PDE9A: variants seen among roughly 807,000 people sequenced by gnomAD.
PDE9A encodes high affinity cGMP-specific 3',5'-cyclic phosphodiesterase 9A.
A neutral mutation model predicts 87.4 loss-of-function variants in PDE9A; 60 were observed. That is an observed-to-expected ratio of 0.69 (90% CI 0.56 to 0.85). PDE9A has a LOEUF of 0.85. PDE9A is among the 40% of genes least tolerant of loss of function. The pLI, the probability that PDE9A is intolerant of heterozygous loss-of-function variation, is 0.00. For missense variants in PDE9A, 665 were observed against 779.0 expected (o/e 0.85, Z 1.74); for synonymous variants, 272 against 279.4 (o/e 0.97, Z 0.27).
chr21:42,732,636 C>T (rs1404900004), intron 6 of PDE9A, among the ~76,000 whole-genome samples: 7 of 152,226 alleles, frequency 4.6e-5, no homozygotes, highest in South Asian at 2.1e-4. Flanking sequence ...TTGAATTGGC[C>T]GGGTGCGGTG....
At chr21:42,665,109 A>T (rs1569105239) in intron 1 of PDE9A, among the ~76,000 whole-genome samples, 1 of 152,238 alleles carries the variant, frequency 6.6e-6, no homozygotes, top group Non-Finnish European at 1.5e-5. Context: ...AGACGTAGAG[A>T]CAGAATCAGG....
At chr21:42,670,306 C>G (rs2058395592) in intron 1 of PDE9A, among the ~76,000 whole-genome samples, 1 of 136,342 alleles carries the variant, frequency 7.3e-6, no homozygotes, top group Non-Finnish European at 1.5e-5. Flanking sequence ...CACACATACA[C>G]TTAGACACCA....
chr21:42,746,766 G>T (rs778165339), intron 8 of PDE9A, among the ~76,000 whole-genome samples: 3 of 152,260 alleles, frequency 2.0e-5, no homozygotes, highest in Admixed American at 1.3e-4. Flanking sequence ...GCCCCCAGGT[G>T]CCTGTCAGGC....
rs1601884390 is a variant in PDE9A, at chr21:42,662,953, TCA to T, written c.69+9073_69+9074del. Among the ~76,000 whole-genome samples, 5 of 115,182 alleles carry T rather than the reference TCA, an allele frequency of 4.3e-5. No individual in the cohort carries two copies. The East Asian group carries it at 8.4e-4, about 19-fold the overall frequency. 75.6% of individuals were successfully genotyped at this position (115,182 alleles called of 152,430 possible). A position where few individuals can be genotyped will look rare whatever the true frequency, so the allele number is the denominator to read the frequency against. ...CACATGCACACCACGCACACGCACATCACATGCACACGCCACGCGCCTCACAC... is the reference window on the plus strand; with the variant it reads ...CACATGCACACCACGCACACGCACATCATGCACACGCCACGCGCCTCACAC... On this transcript the variant is annotated intron_variant, in intron 1 of 19. Transcript: ENST00000291539.
At position 42,740,583 on chromosome 21, in the gene PDE9A, G is replaced by A. The variant is rs13051867; in HGVS notation, c.569-3193G>A. Among the ~76,000 whole-genome samples the A allele has an allele frequency of 8.0e-3, 872 of 108,874 alleles. 13 individuals are homozygous for A. Among genetic ancestry groups the A allele is most frequent in the African/African-American group, 0.03 (772 of 25,476 alleles). The allele number at this position is 108,874 out of a possible 152,430, so 71.4% of individuals were successfully genotyped here. A position where few individuals can be genotyped will look rare whatever the true frequency, so the allele number is the denominator to read the frequency against. On this transcript the variant is annotated intron_variant, in intron 7 of 19. Coordinates refer to ENST00000291539, the MANE Select transcript of PDE9A (RefSeq NM_002606.3). ...ATATGATGAATGCATAGATGGATGGGTGGATGGATGGATGGATGGATGGAT... is the reference window on the plus strand; with the variant it reads ...ATATGATGAATGCATAGATGGATGGATGGATGGATGGATGGATGGATGGAT...
intron 4 of PDE9A, among the ~76,000 whole-genome samples, chr21:42,707,213 C>T (rs553032489): frequency 6.6e-6 from 1 of 152,260 alleles, no homozygotes; most frequent in Non-Finnish European, 1.5e-5. Context: ...AAGGGGAGGG[C>T]CTGAGAGAAG....
In PDE9A at chr21:42,759,837, TGA is replaced by T. The variant is rs1028461184; in HGVS notation, c.898-489_898-488del. On this transcript the variant is annotated intron_variant, in intron 11 of 19. Coordinates refer to ENST00000291539, the MANE Select transcript of PDE9A (RefSeq NM_002606.3). The surrounding 1 kb of genome is among the most constrained non-coding windows in gnomAD (Gnocchi z 7.2). ...TGTGTGTGTGTGGATGTGGGGTGTG[TGA>T]GTGTGTGGTGTGTGAGTGGGTGTGT... Among the ~76,000 whole-genome samples, 11 of 148,696 alleles carry T rather than the reference TGA, an allele frequency of 7.4e-5. No individual in the cohort carries two copies. Among genetic ancestry groups the T allele is most frequent in the Admixed American group, 2.0e-4 (3 of 14,932 alleles).
In PDE9A at chr21:42,769,136, T is replaced by C. The variant is rs1158879040; in HGVS notation, c.1571T>C (p.Met524Thr). The C allele has an allele frequency of 1.9e-6, 3 of 1,613,778 alleles. No homozygotes were observed. The highest frequency in any genetic ancestry group is 2.5e-6 in the Non-Finnish European group (3 of 1,179,746). The change falls in exon 17 of 20, where the codon ATG (methionine) becomes ACG (threonine). Residue 524 changes from methionine (M) to threonine (T), a missense_variant. By Grantham distance (81) the Met-to-Thr change is moderately conservative (BLOSUM62 -1). Coordinates refer to ENST00000291539, the MANE Select transcript of PDE9A (RefSeq NM_002606.3). ...IGFIKFVLIP[M>T]FETVTKLFPM... ...TTCATCAAGTTTGTCCTGATCCCAA[T>C]GTTTGAAACAGTGACCAAGGTGAGT...
chr21:42,670,157 G>A (rs937135088), intron 1 of PDE9A, among the ~76,000 whole-genome samples: 10 of 148,304 alleles, frequency 6.7e-5, no homozygotes, highest in Middle Eastern at 3.5e-3. Flanking sequence ...ACATTCACAC[G>A]CACACACATT....
chr21:42,715,858 C>G (rs2049863010), intron 4 of PDE9A, among the ~76,000 whole-genome samples: 1 of 151,612 alleles, frequency 6.6e-6, no homozygotes, highest in African/African-American at 2.4e-5. Context: ...TGTGTCCCAT[C>G]CCAGTCTCAG....
At position 42,770,816 on chromosome 21, in the gene PDE9A, G is replaced by T. The variant is rs779654728; in HGVS notation, c.1686+18G>T. On this transcript the variant is annotated intron_variant, in intron 18 of 19. Coordinates refer to ENST00000291539, the MANE Select transcript of PDE9A (RefSeq NM_002606.3). ...TGAAAGAGGTAAAACACACTGAGAA[G>T]AGCCTGCCTTCCTTGCGGCAAGCAG... 6.3e-7 allele frequency: 1 copy of T among 1,591,360 alleles called. No individual in the cohort carries two copies. Among genetic ancestry groups the T allele is most frequent in the Admixed American group, 1.7e-5 (1 of 59,978 alleles).
At chr21:42,680,005 G>A (rs1414458358) in intron 1 of PDE9A, among the ~76,000 whole-genome samples, 1 of 152,226 alleles carries the variant, frequency 6.6e-6, no homozygotes, top group Non-Finnish European at 1.5e-5. Flanking sequence ...TCGTAAGGAG[G>A]CTGAGAGGTC....
At chr21:42,740,755 G>GGATAGATA (rs58917556) in intron 7 of PDE9A, among the ~76,000 whole-genome samples, 13,169 of 140,004 alleles carry the variant, frequency 0.094, 687 homozygotes, top group East Asian at 0.11. Flanking sequence ...TAGATAAACA[G>GGATAGATA]GATAGATAGA....
rs1293761669 is a variant in PDE9A at position 42,759,543 on chromosome 21, AGT to A, written c.897+462_897+463del. On this transcript the variant is annotated intron_variant, in intron 11 of 19. Coordinates refer to ENST00000291539, the MANE Select transcript of PDE9A (RefSeq NM_002606.3). This position sits in a 1 kb window ranked among gnomAD's most constrained non-coding sequence, Gnocchi z 7.2. ...ATGTGTGGGAGCGTGTGTGTGTGTG[AGT>A]GTGGGGTGTGGGTGTGAGCATGGGG... Among the ~76,000 whole-genome samples, 5 of 138,410 alleles carry A rather than the reference AGT, an allele frequency of 3.6e-5. No individual in the cohort carries two copies. The highest frequency in any genetic ancestry group is 1.1e-4 in the African/African-American group (4 of 36,132). The allele number at this position is 138,410 out of a possible 152,430, so 90.8% of individuals were successfully genotyped here.
intron 4 of PDE9A, among the ~76,000 whole-genome samples, chr21:42,725,364 T>A (rs776115482): frequency 1.3e-5 from 2 of 152,046 alleles, no homozygotes; most frequent in Non-Finnish European, 2.9e-5. Flanking sequence ...CTCAGTCTCC[T>A]GAGTAGGTGT....
At chr21:42,717,232 G>T (rs2146535815) in intron 4 of PDE9A, among the ~76,000 whole-genome samples, 1 of 141,130 alleles carries the variant, frequency 7.1e-6, no homozygotes, top group African/African-American at 2.6e-5. Context: ...TTCTTTTAAT[G>T]TTTCTTGCAG....
At chr21:42,687,841 G>T in intron 2 of PDE9A, 76 bp from the exon 3 acceptor site, 1 of 1,270,822 alleles carries the variant, frequency 7.9e-7, no homozygotes, top group South Asian at 1.2e-5. Context: ...TCAGGGCTCT[G>T]GCCCCATGTG....
chr21:42,705,233 A>G lies in PDE9A; in HGVS notation c.262+6222A>G, dbSNP rs1017276867. Among the ~76,000 whole-genome samples the G allele has an allele frequency of 5.3e-5, 8 of 152,238 alleles. No individual in the cohort carries two copies. Among genetic ancestry groups the G allele is most frequent in the African/African-American group, 1.9e-4 (8 of 41,452 alleles). On this transcript the variant is annotated intron_variant, in intron 4 of 19. Coordinates refer to ENST00000291539, the MANE Select transcript of PDE9A (RefSeq NM_002606.3). The surrounding 1 kb of genome is among the most constrained non-coding windows in gnomAD (Gnocchi z 4.3). Reference sequence around the variant, plus strand: ...TAGAGCATTTATCCCTTTTGTGACTAAAATAAAGGTAATAGCAACTACAAA... The same window carrying G: ...TAGAGCATTTATCCCTTTTGTGACTGAAATAAAGGTAATAGCAACTACAAA...
chr21:42,677,922 C>T (rs1424453205), intron 1 of PDE9A, among the ~76,000 whole-genome samples: 5 of 152,116 alleles, frequency 3.3e-5, no homozygotes, highest in Admixed American at 1.3e-4. Flanking sequence ...GGATCACAGG[C>T]GTGAGCCACT....
Sources: allele counts gnomAD v4.1 joint callset (sites outside exome capture counted in the v4.1 genomes callset), GRCh38; gene constraint gnomAD v4.1.1; non-coding constraint Gnocchi (gnomAD v3.1); transcripts MANE v1.5; gene names NCBI Gene and HGNC (gene_info 2026-07-23, HGNC 2026-07-21).